Variants in EPCAM observed in about 807,000 individuals in gnomAD.
EPCAM encodes the protein adenocarcinoma-associated antigen.
Under a neutral mutation model 40.0 loss-of-function variants are expected in EPCAM, and 39 were observed. The ratio of observed to expected loss-of-function variants is 0.98; its 90% confidence interval spans 0.76 to 1.27. The LOEUF is 1.27. Ranked by LOEUF, EPCAM falls within the 50% of genes most tolerant of loss-of-function variation. EPCAM has a pLI of 0.00. For missense variants in EPCAM, 503 were observed against 381.2 expected, an observed-to-expected ratio of 1.32 and a Z score of -2.66; for synonymous variants, 168 against 132.3, an observed-to-expected ratio of 1.27 and a Z score of -1.85.
At chr2:47,384,671 G>C (rs1253148343) in intron 7 of EPCAM, among the ~76,000 whole-genome samples, 1 of 151,662 alleles carries the variant, frequency 6.6e-6, no homozygotes, top group Admixed American at 6.6e-5. Context: ...GCCCACCTCG[G>C]CCCCACAAAG....
chr2:47,377,742 T>C (rs902866256), intron 5 of EPCAM: 4 of 454,920 alleles, frequency 8.8e-6, no homozygotes, highest in Non-Finnish European at 1.8e-5. Flanking sequence ...TTGGTGCATA[T>C]TTACTTTAGG....
chr2:47,376,769 C>G (rs1374662207), intron 4 of EPCAM, among the ~76,000 whole-genome samples: 1 of 152,176 alleles, frequency 6.6e-6, no homozygotes, highest in Non-Finnish European at 1.5e-5. Flanking sequence ...CATAAATAAT[C>G]TATGGGCAGA....
chr2:47,369,418 G>A lies in EPCAM; in HGVS notation c.-88G>A. The A allele has an allele frequency of 1.6e-6, 2 of 1,276,746 alleles. No homozygotes were observed. Among genetic ancestry groups the A allele is most frequent in the Non-Finnish European group, 2.0e-6 (2 of 987,584 alleles). The allele number at this position is 1,276,746 out of a possible 1,614,324, so 79.1% of individuals were successfully genotyped here. A position where few individuals can be genotyped will look rare whatever the true frequency, so the allele number is the denominator to read the frequency against. The stretch of plus-strand genomic sequence containing the variant: ...GCGTGCCCCAGGCCTCGCGCTGCCC[G>A]GCCGGCTCCTCGTGTCCCACTCCCG... On this transcript the variant is annotated 5_prime_UTR_variant, in exon 1 of 9. Coordinates refer to ENST00000263735, the MANE Select transcript of EPCAM (RefSeq NM_002354.3).
chr2:47,385,156 T>G lies in EPCAM; in HGVS notation c.859-10T>G. On this transcript the variant is annotated splice_polypyrimidine_tract_variant and intron_variant, in intron 7 of 8. Coordinates refer to ENST00000263735, the MANE Select transcript of EPCAM (RefSeq NM_002354.3). ...AGTCCTAAAACAATAGTTGTCTTTC[T>G]TCCACTCAGGTTATTTCCAGAAAGA... The G allele has an allele frequency of 6.2e-7, 1 of 1,609,684 alleles. No homozygotes were observed. Among genetic ancestry groups the G allele is most frequent in the Non-Finnish European group, 8.5e-7 (1 of 1,176,126 alleles).
In EPCAM at chr2:47,386,612, A is replaced by T; in HGVS notation, c.944A>T (p.Ter315LeuextTer12). The change falls in exon 9 of 9, where the codon TAA (stop) becomes TTA (leucine). Residue 315 changes from the stop codon to leucine (L), a stop_lost. Coordinates refer to ENST00000263735, the MANE Select transcript of EPCAM (RefSeq NM_002354.3). ...MGEMHRELNA[*>L] ...GAGATGCATAGGGAACTCAATGCAT[A>T]ACTATATAATTTGAAGATTATAGAA... 1 of 1,599,982 alleles carries T rather than the reference A, an allele frequency of 6.3e-7. No homozygotes were observed. The highest frequency in any genetic ancestry group is 8.6e-7 in the Non-Finnish European group (1 of 1,167,914).
intron 7 of EPCAM, among the ~76,000 whole-genome samples, chr2:47,381,874 C>T (rs1671600823): frequency 6.6e-6 from 1 of 152,130 alleles, no homozygotes; most frequent in South Asian, 2.1e-4. Context: ...TTAAGTAATC[C>T]TCCTGACCTA....
intron 4 of EPCAM, among the ~76,000 whole-genome samples, chr2:47,375,659 A>T (rs1045481490): frequency 6.6e-6 from 1 of 152,094 alleles, no homozygotes; most frequent in Non-Finnish European, 1.5e-5. Context: ...TAAGAACAAA[A>T]GGCATTCTTT....
chr2:47,384,335 C>T (rs1234936618), intron 7 of EPCAM, among the ~76,000 whole-genome samples: 1 of 151,646 alleles, frequency 6.6e-6, no homozygotes, highest in African/African-American at 2.4e-5. Flanking sequence ...AACTCCTGAC[C>T]TAAAGTGATC....
chr2:47,386,665 T>C lies in EPCAM; in HGVS notation c.*52T>C, dbSNP rs1671750431. ...AGGGAAATAGCAAATGGACACAAAT[T>C]ACAAATGTGTGTGCGTGGGACGAAG... On this transcript the variant is annotated 3_prime_UTR_variant, in exon 9 of 9. Transcript: ENST00000263735. 7.2e-7 allele frequency: 1 copy of C among 1,381,144 alleles called. No individual in the cohort carries two copies. Among genetic ancestry groups the C allele is most frequent in the East Asian group, 2.3e-5 (1 of 43,770 alleles). 85.6% of individuals were successfully genotyped at this position (1,381,144 alleles called of 1,614,324 possible). A position where few individuals can be genotyped will look rare whatever the true frequency, so the allele number is the denominator to read the frequency against.
intron 2 of EPCAM, 109 bp from the exon 3 acceptor site, chr2:47,373,699 A>C: frequency 6.6e-7 from 1 of 1,508,984 alleles, no homozygotes; most frequent in Non-Finnish European, 9.1e-7. Context: ...GTGTGGGAAC[A>C]CATAAATTTC....
At chr2:47,379,554 A>G (rs1671522531) in intron 6 of EPCAM, among the ~76,000 whole-genome samples, 1 of 152,216 alleles carries the variant, frequency 6.6e-6, no homozygotes, top group Non-Finnish European at 1.5e-5. Flanking sequence ...TGATAGGTAC[A>G]TGGGCATCAT....
chr2:47,374,706 C>A (rs1671376635), intron 3 of EPCAM, among the ~76,000 whole-genome samples: 1 of 151,866 alleles, frequency 6.6e-6, no homozygotes, highest in Admixed American at 6.6e-5. Context: ...TGCAGTGGCA[C>A]AATCTCAGCT....
In EPCAM at chr2:47,378,818, C is replaced by T. The variant is rs909388852; in HGVS notation, c.556-135C>T. On this transcript the variant is annotated intron_variant, in intron 5 of 8. Coordinates refer to ENST00000263735, the MANE Select transcript of EPCAM (RefSeq NM_002354.3). ...GATTAGTGATAAACTTAGTTATCCA[C>T]TAATGGAAAGGAACAGTGATGCATG... The T allele has an allele frequency of 2.5e-5, 15 of 611,796 alleles. No individual in the cohort carries two copies. In the Admixed American group the frequency reaches 2.6e-4, roughly 11 times the overall value. The allele number at this position is 611,796 out of a possible 1,614,324, so 37.9% of individuals were successfully genotyped here. A position where few individuals can be genotyped will look rare whatever the true frequency, so the allele number is the denominator to read the frequency against.
intron 7 of EPCAM, chr2:47,383,305 G>GGAAAAAAAAAAAAAAAAA (rs1305593102): frequency 8.1e-6 from 1 of 124,046 alleles, no homozygotes; most frequent in African/African-American, 2.9e-5. Context: ...GACTCCATCT[G>GGAAAAAAAAAAAAAAAAA]AAAAAAAAAA....
Position 47,378,947 on chromosome 2 carries a change from C to T in EPCAM, c.556-6C>T, listed in dbSNP as rs1212389689. On this transcript the variant is annotated splice_region_variant and splice_polypyrimidine_tract_variant and intron_variant, in intron 5 of 8. Coordinates refer to ENST00000263735, the MANE Select transcript of EPCAM (RefSeq NM_002354.3). ...TTAATTTGTATTATTCAATTTTTTT[C>T]CCCAGTATGAGAATAATGTTATCAC... 7.7e-7 allele frequency: 1 copy of T among 1,295,572 alleles called. No homozygotes were observed. The highest frequency in any genetic ancestry group is 1.2e-5 in the South Asian group (1 of 83,942). The allele number at this position is 1,295,572 out of a possible 1,614,324, so 80.3% of individuals were successfully genotyped here.
At chr2:47,376,468 C>T (rs1167330962) in intron 4 of EPCAM, among the ~76,000 whole-genome samples, 1 of 152,112 alleles carries the variant, frequency 6.6e-6, no homozygotes, top group Non-Finnish European at 1.5e-5. Flanking sequence ...CCACGTTGGT[C>T]AGGCTGGTCT....
chr2:47,369,793 C>T, intron 1 of EPCAM: 1 of 690,454 alleles, frequency 1.4e-6, no homozygotes, highest in Non-Finnish European at 2.7e-6. Flanking sequence ...CCTCACTTCG[C>T]AGCTTTGCTC....
At chr2:47,370,102 C>G (rs776072306) in intron 1 of EPCAM, among the ~76,000 whole-genome samples, 1 of 152,188 alleles carries the variant, frequency 6.6e-6, no homozygotes, top group Admixed American at 6.5e-5. Flanking sequence ...GCAGGCGGCC[C>G]GGACCACACA....
chr2:47,379,367 A>G (rs1318135636), intron 6 of EPCAM, among the ~76,000 whole-genome samples: 1 of 152,196 alleles, frequency 6.6e-6, no homozygotes, highest in Non-Finnish European at 1.5e-5. Context: ...AAAGTCTGTT[A>G]AAAAAGACTG....
Sources: allele counts gnomAD v4.1 joint callset (sites outside exome capture counted in the v4.1 genomes callset), GRCh38; gene constraint gnomAD v4.1.1; transcripts MANE v1.5; gene names NCBI Gene and HGNC (gene_info 2026-07-23, HGNC 2026-07-21).